The following GRM3 variants were observed in gnomAD, a reference collection of about 807,000 sequenced individuals.
GRM3 encodes glutamate metabotropic receptor 3, also known as metabotropic glutamate receptor 3.
Under a neutral mutation model 70.5 loss-of-function variants are expected in GRM3, and 26 were observed. The observed-to-expected ratio is 0.37, with a 90% CI of 0.27 to 0.51. The LOEUF (loss-of-function observed/expected upper bound fraction) is 0.51, where lower values mean the gene tolerates loss of function less well. GRM3 is among the 20% of genes least tolerant of loss of function. The pLI is 0.93. For synonymous variants in GRM3, 443 were observed against 434.9 expected (o/e 1.02, Z -0.23); for missense variants, 859 against 1,123.8 (o/e 0.76, Z 3.37).
intron 1 of GRM3, among the ~76,000 whole-genome samples, chr7:86,651,835 TCCC>T: frequency 6.6e-6 from 1 of 152,258 alleles, no homozygotes; most frequent in East Asian, 1.9e-4. Flanking sequence ...AAGTCCCACT[TCCC>T]CCAACACCCA....
rs990678820 is a variant in GRM3, at chr7:86,685,836, C to T, written c.-141+40964C>T. 6.2e-5 allele frequency among the ~76,000 whole-genome samples: 9 copies of T among 145,480 alleles called. No individual in the cohort carries two copies. In the East Asian group the frequency reaches 1.0e-3, roughly 17 times the overall value. ...CAAGAGAATTGCTTGAACCAGGAGT[C>T]GGAGGCTGCAGTGAGCCGAGATCGC... On this transcript the variant is annotated intron_variant, in intron 1 of 5. Coordinates refer to ENST00000361669, the MANE Select transcript of GRM3 (RefSeq NM_000840.3).
intron 1 of GRM3, among the ~76,000 whole-genome samples, chr7:86,731,534 C>T (rs187643192): frequency 9.3e-4 from 141 of 152,222 alleles, no homozygotes; most frequent in Non-Finnish European, 1.7e-3. Flanking sequence ...AATATACTGC[C>T]GGATTATTTG....
chr7:86,862,742 C>T (rs1798984511), intron 5 of GRM3, among the ~76,000 whole-genome samples: 1 of 152,102 alleles, frequency 6.6e-6, no homozygotes, highest in South Asian at 2.1e-4. Flanking sequence ...TAGTGGTGGA[C>T]CTGCTGATAG....
chr7:86,653,405 A>G (rs1793656260), intron 1 of GRM3, among the ~76,000 whole-genome samples: 2 of 152,204 alleles, frequency 1.3e-5, no homozygotes, highest in Admixed American at 1.3e-4. Context: ...CTTTTACCAA[A>G]TTACTTTCCA....
intron 1 of GRM3, among the ~76,000 whole-genome samples, chr7:86,752,255 T>C (rs78794131): frequency 0.021 from 3,267 of 152,194 alleles, 104 homozygotes; most frequent in African/African-American, 0.072. Context: ...TTTATATAAA[T>C]GGATTCATGC....
At chr7:86,789,142 TA>T (rs1261215331) in intron 3 of GRM3, among the ~76,000 whole-genome samples, 12 of 152,238 alleles carry the variant, frequency 7.9e-5, no homozygotes, top group Non-Finnish European at 1.6e-4. Flanking sequence ...CACAAAGTGC[TA>T]TTTTAGCCTT....
chr7:86,649,567 C>T (rs975766886), intron 1 of GRM3, among the ~76,000 whole-genome samples: 3 of 152,056 alleles, frequency 2.0e-5, no homozygotes, highest in African/African-American at 7.2e-5. Flanking sequence ...TACTTCACTA[C>T]TTCACTATCA....
At chr7:86,655,415 T>C (rs953135254) in intron 1 of GRM3, among the ~76,000 whole-genome samples, 1 of 152,196 alleles carries the variant, frequency 6.6e-6, no homozygotes, top group African/African-American at 2.4e-5. Context: ...ATCAGTAAAT[T>C]GTGGAATAAA....
chr7:86,786,970 T>C lies in GRM3; in HGVS notation c.1178T>C (p.Val393Ala). ...GAGCAAGAGTCCAAGATCATGTTTG[T>C]GGTGAACGCGGTGTATGCCATGGCC... Reference protein sequence around the residue: ...NYEQESKIMFVVNAVYAMAHA... With the variant: ...NYEQESKIMFAVNAVYAMAHA... The change falls in exon 3 of 6, where the codon GTG (valine) becomes GCG (alanine). Residue 393 changes from valine (V) to alanine (A), a missense_variant. Val to Ala is a moderately conservative substitution (Grantham distance 64). Coordinates refer to ENST00000361669, the MANE Select transcript of GRM3 (RefSeq NM_000840.3). This position sits in a 1 kb window ranked among gnomAD's most constrained non-coding sequence, Gnocchi z 6.0. 6.2e-7 allele frequency: 1 copy of C among 1,614,198 alleles called. No homozygotes were observed. Among genetic ancestry groups the C allele is most frequent in the Non-Finnish European group, 8.5e-7 (1 of 1,180,022 alleles).
chr7:86,703,997 T>C (rs1795001502), intron 1 of GRM3, among the ~76,000 whole-genome samples: 1 of 151,966 alleles, frequency 6.6e-6, no homozygotes, highest in African/African-American at 2.4e-5. Context: ...AGTTGTTTAA[T>C]CCCATTATTT....
chr7:86,664,069 T>C (rs1306930573), intron 1 of GRM3, among the ~76,000 whole-genome samples: 1 of 151,944 alleles, frequency 6.6e-6, no homozygotes, highest in East Asian at 1.9e-4. Flanking sequence ...CTATATTATG[T>C]TGAGGGTTGT....
intron 1 of GRM3, among the ~76,000 whole-genome samples, chr7:86,731,033 C>T (rs1434766357): frequency 6.6e-6 from 1 of 152,124 alleles, no homozygotes; most frequent in African/African-American, 2.4e-5. Flanking sequence ...AAGTTTCCAT[C>T]CTTGGCTGCC....
In GRM3 at chr7:86,728,081, A is replaced by AT. The variant is rs531265472; in HGVS notation, c.-140-36918dup. Reference sequence around the variant, plus strand: ...AATTTATATTGGCTCAAAAAAGACCATTTTTTTCCTGTGAATATCCCTCCA... The same window carrying AT: ...AATTTATATTGGCTCAAAAAAGACCATTTTTTTTCCTGTGAATATCCCTCCA... On this transcript the variant is annotated intron_variant, in intron 1 of 5. Coordinates refer to ENST00000361669, the MANE Select transcript of GRM3 (RefSeq NM_000840.3). 2.2e-3 allele frequency among the ~76,000 whole-genome samples: 342 copies of AT among 152,166 alleles called. 3 individuals carry two copies. The highest frequency in any genetic ancestry group is 7.9e-3 in the African/African-American group (328 of 41,534).
chr7:86,655,011 T>A (rs1434545217), intron 1 of GRM3, among the ~76,000 whole-genome samples: 1 of 152,228 alleles, frequency 6.6e-6, no homozygotes, highest in Non-Finnish European at 1.5e-5. Flanking sequence ...GATGAATAAC[T>A]GGTTTTTCCA....
chr7:86,796,889 T>C (rs111967205), intron 3 of GRM3, among the ~76,000 whole-genome samples: 8,163 of 152,160 alleles, frequency 0.054, 697 homozygotes, highest in African/African-American at 0.18. Flanking sequence ...GCTGTTCTCA[T>C]GATAGGGAAT....
intron 1 of GRM3, among the ~76,000 whole-genome samples, chr7:86,687,491 A>G (rs1038108884): frequency 6.6e-6 from 1 of 151,560 alleles, no homozygotes; most frequent in Non-Finnish European, 1.5e-5. Context: ...GAAAAAAATA[A>G]TATTATCAAC....
intron 1 of GRM3, among the ~76,000 whole-genome samples, chr7:86,648,841 C>T (rs985721934): frequency 6.6e-6 from 1 of 152,116 alleles, no homozygotes; most frequent in African/African-American, 2.4e-5. Context: ...GGTAGACTCA[C>T]CATCCCACTC....
At chr7:86,660,290 T>G (rs1436582208) in intron 1 of GRM3, among the ~76,000 whole-genome samples, 1 of 152,030 alleles carries the variant, frequency 6.6e-6, no homozygotes, top group Admixed American at 6.6e-5. Flanking sequence ...AATTGTGCAG[T>G]TTAGCTGAAC....
chr7:86,683,885 TAC>T (rs1250767996), intron 1 of GRM3, among the ~76,000 whole-genome samples: 1 of 152,164 alleles, frequency 6.6e-6, no homozygotes, highest in African/African-American at 2.4e-5. Context: ...GATCATGGTG[TAC>T]AGTTTATATG....
Sources: gnomAD v4.1 joint callset for allele counts (sites outside exome capture counted in the v4.1 genomes callset) on GRCh38, gnomAD v4.1.1 for gene constraint, Gnocchi (gnomAD v3.1) non-coding constraint, MANE v1.5 for transcripts, NCBI Gene and HGNC (gene_info 2026-07-23, HGNC 2026-07-21) for gene names.